The following UPP1 variants were observed in gnomAD, a reference collection of about 807,000 sequenced individuals.
UPP1 encodes uridine phosphorylase 1.
In UPP1, 25 loss-of-function variants were observed where a neutral mutation model predicts 29.6. The observed-to-expected ratio is 0.85, with a 90% CI of 0.62 to 1.18. UPP1 has a LOEUF of 1.18. UPP1 is among the 50% of genes most tolerant of loss of function. UPP1 has a pLI of 0.00. For synonymous variants in UPP1, 165 were observed against 159.8 expected (o/e 1.03, Z -0.25); for missense variants, 368 against 410.4 (o/e 0.90, Z 0.89).
chr7:48,100,082 AT>A (rs1792341568), intron 4 of UPP1, among the ~76,000 whole-genome samples: 1 of 152,182 alleles, frequency 6.6e-6, no homozygotes, highest in Admixed American at 6.5e-5. Context: ...GTATTTCATC[AT>A]TGTGTGGACA....
At chr7:48,096,991 C>T (rs538076873) in intron 3 of UPP1, among the ~76,000 whole-genome samples, 14 of 152,082 alleles carry the variant, frequency 9.2e-5, no homozygotes, top group East Asian at 3.9e-4. Context: ...TGAGCCACCG[C>T]GCCCAGACAG....
At chr7:48,107,658 G>A in intron 8 of UPP1, 151 bp downstream of exon 8, 2 of 870,386 alleles carry the variant, frequency 2.3e-6, no homozygotes, top group Non-Finnish European at 3.4e-6. Flanking sequence ...TGACATATGT[G>A]TTGTCACCAC....
rs115244253 is a variant in UPP1 at position 48,107,324 on chromosome 7, C to A, written c.647-37C>A. On this transcript the variant is annotated intron_variant, in intron 7 of 8. Coordinates refer to ENST00000395564, the MANE Select transcript of UPP1 (RefSeq NM_003364.4). ...GCTGATGTGTTGTAGGAGCTTCTCACATGCATGTGGTTCTCATGTCTCCAT... is the reference window on the plus strand; with the variant it reads ...GCTGATGTGTTGTAGGAGCTTCTCAAATGCATGTGGTTCTCATGTCTCCAT... 5.7e-4 allele frequency: 900 copies of A among 1,585,166 alleles called. 5 individuals carry two copies. In the African/African-American group the frequency reaches 0.011, roughly 19 times the overall value.
chr7:48,108,019 G>A (rs901249566), intron 8 of UPP1, among the ~76,000 whole-genome samples, 199 bp from the exon 9 acceptor site: 3 of 152,190 alleles, frequency 2.0e-5, no homozygotes, highest in Non-Finnish European at 4.4e-5. Context: ...GTGTCAGAGA[G>A]GGAGGAGTCT....
chr7:48,102,968 G>C (rs1792513449), intron 5 of UPP1, among the ~76,000 whole-genome samples: 1 of 152,142 alleles, frequency 6.6e-6, no homozygotes, highest in South Asian at 2.1e-4. Flanking sequence ...AGAATAGGGT[G>C]GGTATTTATG....
At position 48,108,361 on chromosome 7, in the gene UPP1, C is replaced by T. The variant is rs374134854; in HGVS notation, c.*4C>T. On this transcript the variant is annotated 3_prime_UTR_variant, in exon 9 of 9. Coordinates refer to ENST00000395564, the MANE Select transcript of UPP1 (RefSeq NM_003364.4). The stretch of plus-strand genomic sequence containing the variant: ...GAAGAAACTGAGCAAGGCCTGAGCG[C>T]TGCCCTGCACCTCCGCAGACCTGCT... The T allele has an allele frequency of 2.5e-6, 4 of 1,611,066 alleles. No individual in the cohort carries two copies. In the African/African-American group the frequency reaches 5.3e-5, roughly 22 times the overall value.
Position 48,108,367 on chromosome 7 carries a change from T to G in UPP1, c.*10T>G. ...ACTGAGCAAGGCCTGAGCGCTGCCC[T>G]GCACCTCCGCAGACCTGCTGTGATG... is the stretch of plus-strand genomic sequence containing the variant. On this transcript the variant is annotated 3_prime_UTR_variant, in exon 9 of 9. Transcript: ENST00000395564. 6.2e-7 allele frequency: 1 copy of G among 1,610,158 alleles called. No homozygotes were observed. The highest frequency in any genetic ancestry group is 1.1e-5 in the South Asian group (1 of 90,810).
chr7:48,098,116 T>A (rs1308647264), intron 3 of UPP1, among the ~76,000 whole-genome samples: 1 of 152,184 alleles, frequency 6.6e-6, no homozygotes, highest in Non-Finnish European at 1.5e-5. Context: ...CAGGAGACAG[T>A]CACCTAGCCC....
At chr7:48,100,406 G>C (rs543411375) in intron 4 of UPP1, among the ~76,000 whole-genome samples, 1 of 152,316 alleles carries the variant, frequency 6.6e-6, no homozygotes, top group Non-Finnish European at 1.5e-5. Flanking sequence ...TTCATTGAGA[G>C]AAGAGAAAGA....
chr7:48,101,202 G>T (rs13228276), intron 4 of UPP1, among the ~76,000 whole-genome samples: 88,762 of 152,042 alleles, frequency 0.58, 26,025 homozygotes, highest in South Asian at 0.67. Context: ...ACTGTGCCCA[G>T]CCATCTTCAA....
chr7:48,102,105 G>GT, intron 5 of UPP1, 123 bp downstream of exon 5: 1 of 1,131,198 alleles, frequency 8.8e-7, no homozygotes, highest in Non-Finnish European at 1.2e-6. Context: ...TGGGAGCAGG[G>GT]TGAGCCCACA....
At chr7:48,089,958 A>G (rs1308437573) in intron 1 of UPP1, among the ~76,000 whole-genome samples, 1 of 152,180 alleles carries the variant, frequency 6.6e-6, no homozygotes, top group African/African-American at 2.4e-5. Context: ...AAGGGGGTAA[A>G]ATTTCATTTG....
chr7:48,103,601 C>T (rs941615001), intron 6 of UPP1, among the ~76,000 whole-genome samples, 190 bp downstream of exon 6: 5 of 152,090 alleles, frequency 3.3e-5, no homozygotes, highest in East Asian at 1.9e-4. Flanking sequence ...TCTCCCAACC[C>T]GCACCCCAGA....
chr7:48,108,696 G>C lies in UPP1; in HGVS notation c.*339G>C, dbSNP rs1792905395. The C allele has an allele frequency of 5.2e-6, 1 of 192,802 alleles. No individual in the cohort carries two copies. Among genetic ancestry groups the C allele is most frequent in the African/African-American group, 2.3e-5 (1 of 43,002 alleles). 11.9% of individuals were successfully genotyped at this position (192,802 alleles called of 1,614,324 possible). A position where few individuals can be genotyped will look rare whatever the true frequency, so the allele number is the denominator to read the frequency against. ...ACAAGAAATCTGACAATAGTGCCAG[G>C]AAACTAATTTCCTGATACATTAAAA... On this transcript the variant is annotated 3_prime_UTR_variant, in exon 9 of 9. Coordinates refer to ENST00000395564, the MANE Select transcript of UPP1 (RefSeq NM_003364.4).
intron 2 of UPP1, among the ~76,000 whole-genome samples, chr7:48,093,596 G>C (rs1454694031): frequency 6.6e-6 from 1 of 152,182 alleles, no homozygotes; most frequent in Non-Finnish European, 1.5e-5. Flanking sequence ...CCTTCAAAGA[G>C]CTCTGGCAAA....
chr7:48,099,833 C>A, intron 4 of UPP1, 46 bp downstream of exon 4: 1 of 1,285,194 alleles, frequency 7.8e-7, no homozygotes, highest in Non-Finnish European at 1.1e-6. Flanking sequence ...TTAAGATCAA[C>A]CTCCCCCTAT....
chr7:48,099,827 G>T (rs1291669981), intron 4 of UPP1, 40 bp downstream of exon 4: 5 of 1,346,356 alleles, frequency 3.7e-6, no homozygotes, highest in Non-Finnish European at 4.3e-6. Flanking sequence ...TTTGCCTTAA[G>T]ATCAACCTCC....
chr7:48,095,374 G>C (rs1279626717), intron 3 of UPP1, among the ~76,000 whole-genome samples: 1 of 151,744 alleles, frequency 6.6e-6, no homozygotes, highest in Admixed American at 6.6e-5. Flanking sequence ...ACCTGGGCAG[G>C]CCTTCTGTCC....
intron 8 of UPP1, 41 bp from the exon 9 acceptor site, chr7:48,108,176 AC>A (rs756998541): frequency 6.9e-6 from 11 of 1,583,662 alleles, no homozygotes; most frequent in Non-Finnish European, 8.6e-6. Context: ...GAAATGTTAG[AC>A]CCCCGGCACC....
Sources: allele counts gnomAD v4.1 joint callset (sites outside exome capture counted in the v4.1 genomes callset), GRCh38; gene constraint gnomAD v4.1.1; transcripts MANE v1.5; gene names NCBI Gene and HGNC (gene_info 2026-07-23, HGNC 2026-07-21).